GABPA: variants seen among roughly 807,000 people sequenced by gnomAD.
GABPA encodes GA binding protein transcription factor subunit alpha.
GABPA carries 4 observed loss-of-function variants against 59.4 expected under a neutral mutation model. That is an observed-to-expected ratio of 0.07 (90% CI 0.03 to 0.15). The LOEUF is 0.15. GABPA is among the 10% of genes least tolerant of loss of function. GABPA has a pLI of 1.00. For missense variants in GABPA, 251 were observed against 543.8 expected, an observed-to-expected ratio of 0.46 and a Z score of 5.36; for synonymous variants, 164 against 183.1, an observed-to-expected ratio of 0.90 and a Z score of 0.84.
intron 3 of GABPA, among the ~76,000 whole-genome samples, chr21:25,747,639 T>C (rs907152396): frequency 6.6e-6 from 1 of 152,242 alleles, no homozygotes; most frequent in Non-Finnish European, 1.5e-5. Context: ...GAACAACAGC[T>C]AAGTTGCACT....
At chr21:25,754,702 T>C (rs938638912) in intron 5 of GABPA, among the ~76,000 whole-genome samples, 2 of 152,210 alleles carry the variant, frequency 1.3e-5, no homozygotes, top group Non-Finnish European at 2.9e-5. Flanking sequence ...GTTTGTGTTG[T>C]TTTTAACCTT....
At chr21:25,744,771 T>C (rs1265992241) in intron 2 of GABPA, among the ~76,000 whole-genome samples, 2 of 152,192 alleles carry the variant, frequency 1.3e-5, no homozygotes, top group Non-Finnish European at 2.9e-5. Context: ...ATTTAACTTA[T>C]TCTATTTTTA....
At chr21:25,763,156 C>A in intron 7 of GABPA, 1 of 510,884 alleles carries the variant, frequency 2.0e-6, no homozygotes, top group Non-Finnish European at 3.8e-6. Context: ...GTTGCATTTT[C>A]TCTTGGCATG....
At chr21:25,756,935 A>G (rs1025713778) in intron 5 of GABPA, among the ~76,000 whole-genome samples, 4 of 152,154 alleles carry the variant, frequency 2.6e-5, no homozygotes, top group Admixed American at 2.6e-4. Context: ...TTAATCCTGT[A>G]TTCTTAGAAT....
At chr21:25,751,362 ATTAT>A (rs3084178) in intron 4 of GABPA, among the ~76,000 whole-genome samples, 6,329 of 151,164 alleles carry the variant, frequency 0.042, 408 homozygotes, top group African/African-American at 0.14. Context: ...GTATTAATAA[ATTAT>A]TTATTTTTAT....
intron 1 of GABPA, among the ~76,000 whole-genome samples, chr21:25,736,449 G>A (rs910223009): frequency 6.6e-6 from 1 of 152,132 alleles, no homozygotes; most frequent in African/African-American, 2.4e-5. Context: ...GCAACTGCTT[G>A]AGGGACTAGC....
chr21:25,739,263 A>G (rs1360549566), intron 1 of GABPA, among the ~76,000 whole-genome samples: 1 of 152,236 alleles, frequency 6.6e-6, no homozygotes, highest in African/African-American at 2.4e-5. Context: ...AGAACTTAGG[A>G]GAGTTATAGC....
chr21:25,770,357 T>C lies in GABPA; in HGVS notation c.*1125T>C, dbSNP rs1428562113. 1.3e-5 allele frequency: 2 copies of C among 152,148 alleles called. No homozygotes were observed. The highest frequency in any genetic ancestry group is 6.5e-5 in the Admixed American group (1 of 15,282). The allele number at this position is 152,148 out of a possible 1,614,324, so 9.4% of individuals were successfully genotyped here. A position where few individuals can be genotyped will look rare whatever the true frequency, so the allele number is the denominator to read the frequency against. On this transcript the variant is annotated 3_prime_UTR_variant, in exon 10 of 10. Transcript: ENST00000400075. ...TTCAGTTGATCATTTTATAAACATA[T>C]GAAGGCATAAAGATATACAGAAGAA...
intron 5 of GABPA, among the ~76,000 whole-genome samples, chr21:25,756,148 G>T (rs537003542): frequency 4.2e-4 from 64 of 152,250 alleles, no homozygotes; most frequent in African/African-American, 1.4e-3. Flanking sequence ...CAGAAGTCCT[G>T]ATATTTGAGA....
At chr21:25,755,140 A>AT (rs1161000357) in intron 5 of GABPA, among the ~76,000 whole-genome samples, 1 of 151,238 alleles carries the variant, frequency 6.6e-6, no homozygotes, top group African/African-American at 2.4e-5. Context: ...AAAACGAGGC[A>AT]TTGACTATTT....
chr21:25,739,870 G>A (rs1035320821), intron 1 of GABPA, among the ~76,000 whole-genome samples: 2 of 152,094 alleles, frequency 1.3e-5, no homozygotes, highest in Non-Finnish European at 2.9e-5. Flanking sequence ...CTCTCTCCTC[G>A]ATCTCCCAGA....
chr21:25,735,271 A>G lies in GABPA; in HGVS notation c.-334A>G, dbSNP rs1483672561. On this transcript the variant is annotated 5_prime_UTR_variant, in exon 1 of 10. Transcript: ENST00000400075. ...TGTATAAAGGTGCAGGGAAAGTGAG[A>G]CTGTGTAAAACAAAGCGGATTGGGG... 9.0e-6 allele frequency: 4 copies of G among 446,654 alleles called. No individual in the cohort carries two copies. Among genetic ancestry groups the G allele is most frequent in the Non-Finnish European group, 1.6e-5 (4 of 244,126 alleles). 27.7% of individuals were successfully genotyped at this position (446,654 alleles called of 1,614,324 possible).
chr21:25,735,389 C>T lies in GABPA; in HGVS notation c.-216C>T. The T allele has an allele frequency of 5.4e-6, 1 of 184,106 alleles. No homozygotes were observed. Among genetic ancestry groups the T allele is most frequent in the South Asian group, 1.0e-4 (1 of 9,798 alleles). The allele number at this position is 184,106 out of a possible 1,614,324, so 11.4% of individuals were successfully genotyped here. A position where few individuals can be genotyped will look rare whatever the true frequency, so the allele number is the denominator to read the frequency against. Reference sequence around the variant, plus strand: ...AGTTGTAGTCCTGGACCCGAAGGTGCCTGGGAGGCGGGAGGGGGGTTGGGG... The same window carrying T: ...AGTTGTAGTCCTGGACCCGAAGGTGTCTGGGAGGCGGGAGGGGGGTTGGGG... On this transcript the variant is annotated 5_prime_UTR_variant, in exon 1 of 10. Transcript: ENST00000400075.
In GABPA at chr21:25,758,033, C is replaced by G. The variant is rs1368331777; in HGVS notation, c.577C>G (p.Gln193Glu). 5.6e-5 allele frequency: 89 copies of G among 1,587,650 alleles called. No homozygotes were observed. The highest frequency in any genetic ancestry group is 7.3e-5 in the Non-Finnish European group (85 of 1,169,944). Residue 193 changes from glutamine (Q) to glutamate (E), a missense_variant, in exon 6 of 10, where the codon CAA becomes GAA. By Grantham distance (29) the Gln-to-Glu change is conservative. This residue lies in a region of GABPA where 207 missense variants were observed against 366.7 expected (regional missense o/e 0.56). Coordinates refer to ENST00000400075, the MANE Select transcript of GABPA (RefSeq NM_002040.4). Reference sequence around the variant, plus strand: ...AGATCCCATACAGTGGTCCACAGACCAAGTCCTGCATTGGGTGGTTTGGGT... The same window carrying G: ...AGATCCCATACAGTGGTCCACAGACGAAGTCCTGCATTGGGTGGTTTGGGT... Reference protein sequence around the residue: ...PYDPIQWSTDQVLHWVVWVMK... With the variant: ...PYDPIQWSTDEVLHWVVWVMK...
At position 25,751,315 on chromosome 21, in the gene GABPA, GA is replaced by G. The variant is rs1261684256; in HGVS notation, c.308-672del. 1.5e-4 allele frequency among the ~76,000 whole-genome samples: 23 copies of G among 151,220 alleles called. No individual in the cohort carries two copies. The East Asian group carries it at 4.3e-3, about 28-fold the overall frequency. On this transcript the variant is annotated intron_variant, in intron 4 of 9. Transcript: ENST00000400075. ...ACTATCCAGAATTAAATCAAAATCA[GA>G]ATTTTGATTTAATTCTGGATAGTTG... is the stretch of plus-strand genomic sequence containing the variant.
chr21:25,747,192 A>T (rs1321468179), intron 3 of GABPA, among the ~76,000 whole-genome samples: 1 of 152,240 alleles, frequency 6.6e-6, no homozygotes, highest in Non-Finnish European at 1.5e-5. Flanking sequence ...TTTGAGACGA[A>T]AAAACAAAAA....
At chr21:25,762,953 C>A in intron 7 of GABPA, 1 of 370,402 alleles carries the variant, frequency 2.7e-6, no homozygotes, top group South Asian at 2.7e-5. Context: ...AGGGCAAACC[C>A]TTCGCCGCCT....
intron 6 of GABPA, 93 bp downstream of exon 6, chr21:25,758,297 G>A: frequency 1.2e-6 from 1 of 861,044 alleles, no homozygotes; most frequent in Non-Finnish European, 1.8e-6. Context: ...TATTGATAAT[G>A]ATAAGTAATA....
intron 7 of GABPA, among the ~76,000 whole-genome samples, chr21:25,762,656 T>A (rs2035793268): frequency 6.6e-6 from 1 of 152,194 alleles, no homozygotes; most frequent in Non-Finnish European, 1.5e-5. Context: ...AGAACAATTC[T>A]AACCACATTC....
Sources: allele counts gnomAD v4.1 joint callset (sites outside exome capture counted in the v4.1 genomes callset), GRCh38; gene constraint gnomAD v4.1.1; regional missense constraint gnomAD v4.1.1; transcripts MANE v1.5; gene names NCBI Gene and HGNC (gene_info 2026-07-23, HGNC 2026-07-21).